The following ATP13A3 variants were observed in gnomAD, a reference collection of about 807,000 sequenced individuals.
The protein encoded by ATP13A3 is ATPase 13A3, also known as polyamine-transporting ATPase 13A3.
In ATP13A3, 59 loss-of-function variants were observed where a neutral mutation model predicts 158.1. That is an observed-to-expected ratio of 0.37 (90% CI 0.30 to 0.46). The LOEUF (loss-of-function observed/expected upper bound fraction) is 0.46. Among genes scored for constraint, ATP13A3 ranks in the 20% least tolerant of loss-of-function variants. The probability of loss-of-function intolerance (pLI) is 1.00; values close to 1 mark genes in which losing one functional copy is unlikely to be tolerated. For missense variants in ATP13A3, 1,166 were observed against 1,525.2 expected (o/e 0.76, Z 3.92); for synonymous variants, 491 against 504.3 (o/e 0.97, Z 0.35).
chr3:194,444,639 T>C, intron 15 of ATP13A3, 86 bp downstream of exon 15: 1 of 1,170,454 alleles, frequency 8.5e-7, no homozygotes, highest in Non-Finnish European at 1.2e-6. Flanking sequence ...TACACAGTTG[T>C]CTATTACTTC....
At chr3:194,437,777 A>C in intron 17 of ATP13A3, among the ~76,000 whole-genome samples, 1 of 152,238 alleles carries the variant, frequency 6.6e-6, no homozygotes, top group South Asian at 2.1e-4. Context: ...ATGTTCTGCT[A>C]TCCTGAAAAT....
At position 194,427,128 on chromosome 3, in the gene ATP13A3, A is replaced by G; in HGVS notation, c.3072T>C (p.Gly1024=). 1 of 1,613,804 alleles carries G rather than the reference A, an allele frequency of 6.2e-7. No homozygotes were observed. The highest frequency in any genetic ancestry group is 8.5e-7 in the Non-Finnish European group (1 of 1,179,970). The change falls in exon 29 of 34, where the codon GGT becomes GGC. Residue 1024 remains glycine (G), a synonymous_variant. Coordinates refer to ENST00000645319, the MANE Select transcript of ATP13A3 (RefSeq NM_001367549.1). ...AAGGTTGCTGTTTGACCCAAAAAAAACCCAAAGATTGAAATCCAATGCAGA... is the reference window on the plus strand; with the variant it reads ...AAGGTTGCTGTTTGACCCAAAAAAAGCCCAAAGATTGAAATCCAATGCAGA... ...IIICIGFQSL[G]FFWVKQQPWY...
At chr3:194,424,997 C>A (rs1716655291) in intron 30 of ATP13A3, among the ~76,000 whole-genome samples, 1 of 152,108 alleles carries the variant, frequency 6.6e-6, no homozygotes, top group South Asian at 2.1e-4. Flanking sequence ...GGCTGAGGAA[C>A]CTCCGTCTCC....
chr3:194,431,862 G>C lies in ATP13A3; in HGVS notation c.2276C>G (p.Ala759Gly). Residue 759 changes from alanine to glycine, a missense_variant, in exon 22 of 34, where the codon GCC (alanine) becomes GGC (glycine). Ala to Gly is a moderately conservative substitution (Grantham distance 60). Around this residue, in one of 3 missense-constraint regions of ATP13A3, gnomAD observed 997 missense variants for 1,341.2 expected, o/e 0.74. Coordinates refer to ENST00000645319, the MANE Select transcript of ATP13A3 (RefSeq NM_001367549.1). ...AGGTAGAATCATTCCACAATCTCTG[G>C]CCACAGAGACAGCAGTCAACATACT... is the stretch of plus-strand genomic sequence containing the variant. ...GDSMLTAVSV[A>G]RDCGMILPQD... is the part of the protein sequence containing the mutation. The C allele has an allele frequency of 6.2e-7, 1 of 1,602,928 alleles. No homozygotes were observed. The highest frequency in any genetic ancestry group is 8.5e-7 in the Non-Finnish European group (1 of 1,176,122).
At position 194,462,484 on chromosome 3, in the gene ATP13A3, G is replaced by A. The variant is rs151046817; in HGVS notation, c.-46-248C>T. Among the ~76,000 whole-genome samples, 853 of 152,222 alleles carry A rather than the reference G, an allele frequency of 5.6e-3. 4 individuals carry two copies. The highest frequency in any genetic ancestry group is 0.02 in the Middle Eastern group (6 of 294). The stretch of plus-strand genomic sequence containing the variant: ...GAGCACAAACCCTACTGTGAACTGC[G>A]CGTGCAAGGGATCTAGGGTGCGTGC... On this transcript the variant is annotated intron_variant, in intron 2 of 33. Transcript: ENST00000645319.
At chr3:194,455,777 A>C (rs1478481503) in intron 8 of ATP13A3, 116 bp downstream of exon 8, 1 of 712,164 alleles carries the variant, frequency 1.4e-6, no homozygotes, top group African/African-American at 1.9e-5. Flanking sequence ...TTCCAAGTAA[A>C]AATATGAAAA....
chr3:194,492,264 C>A (rs1721155129), intron 2 of ATP13A3, among the ~76,000 whole-genome samples: 1 of 152,068 alleles, frequency 6.6e-6, no homozygotes, highest in Admixed American at 6.6e-5. Flanking sequence ...ACAATCTATT[C>A]TTTCCCTTCC....
intron 33 of ATP13A3, 129 bp from the exon 34 acceptor site, chr3:194,406,245 G>T (rs1305300439): frequency 3.1e-6 from 3 of 978,518 alleles, no homozygotes; most frequent in East Asian, 2.7e-5. Context: ...CACAACGAAT[G>T]GGGGAAAAAA....
In ATP13A3 at chr3:194,448,471, A is replaced by G. The variant is rs1718560595; in HGVS notation, c.1136T>C (p.Ile379Thr). ...RFYTGELVKA[I>T]VVRTGFSTSK... ...ATGTTTCCTACCTGTTCTAACAACTATGGCTTTGACGAGTTCTCCAGTGTA... is the reference window on the plus strand; with the variant it reads ...ATGTTTCCTACCTGTTCTAACAACTGTGGCTTTGACGAGTTCTCCAGTGTA... The change falls in exon 12 of 34, where the codon ATA becomes ACA. Residue 379 changes from isoleucine (I) to threonine (T), a missense_variant. Around this residue, in one of 3 missense-constraint regions of ATP13A3, gnomAD observed 997 missense variants for 1,341.2 expected, o/e 0.74. Coordinates refer to ENST00000645319, the MANE Select transcript of ATP13A3 (RefSeq NM_001367549.1). This position sits in a 1 kb window ranked among gnomAD's most constrained non-coding sequence, Gnocchi z 4.0. The G allele has an allele frequency of 6.2e-7, 1 of 1,613,826 alleles. No individual in the cohort carries two copies. The highest frequency in any genetic ancestry group is 1.7e-5 in the Admixed American group (1 of 60,004).
chr3:194,448,520 T>C lies in ATP13A3; in HGVS notation c.1087A>G (p.Thr363Ala). 1 of 1,614,128 alleles carries C rather than the reference T, an allele frequency of 6.2e-7. No homozygotes were observed. Among genetic ancestry groups the C allele is most frequent in the East Asian group, 2.2e-5 (1 of 44,876 alleles). Residue 363 changes from threonine (T) to alanine (A), a missense_variant, in exon 12 of 34, where the codon ACA (threonine) becomes GCA (alanine). By Grantham distance (58) the Thr-to-Ala change is moderately conservative. Coordinates refer to ENST00000645319, the MANE Select transcript of ATP13A3 (RefSeq NM_001367549.1). The surrounding 1 kb of genome is among the most constrained non-coding windows in gnomAD (Gnocchi z 4.0). ...TAGAAACGAGTCTGAATAACAGTTG[T>C]CCCACAAAACAAAGTATGTCGTTTA... ...THKRHTLFCG[T>A]TVIQTRFYTG...
At chr3:194,476,271 CA>C (rs749266448) in intron 2 of ATP13A3, among the ~76,000 whole-genome samples, 9 of 152,142 alleles carry the variant, frequency 5.9e-5, no homozygotes, top group African/African-American at 1.2e-4. Flanking sequence ...ACAATCTCAT[CA>C]GGGGTGGCAC....
chr3:194,454,141 A>C (rs1719026144), intron 9 of ATP13A3, 117 bp downstream of exon 9: 1 of 1,065,762 alleles, frequency 9.4e-7, no homozygotes, highest in South Asian at 1.6e-5. Context: ...ATATTCATGC[A>C]ACTAAAATAA....
chr3:194,487,036 A>AT (rs1422530764), upstream of ATP13A3: 2 of 150,494 alleles, frequency 1.3e-5, no homozygotes, highest in African/African-American at 2.4e-5. Flanking sequence ...TGGTGGCTTC[A>AT]TCCCCGCGCG....
Position 194,441,594 on chromosome 3 carries a change from C to T in ATP13A3, c.1560-133G>A, listed in dbSNP as rs1718056498. 12 of 782,424 alleles carry T rather than the reference C, an allele frequency of 1.5e-5. No homozygotes were observed. In the South Asian group the frequency reaches 2.2e-4, roughly 14 times the overall value. 48.5% of individuals were successfully genotyped at this position (782,424 alleles called of 1,614,324 possible). On this transcript the variant is annotated intron_variant, in intron 15 of 33. Transcript: ENST00000645319. ...AATCTGAGCTCCTAAGAAAGAGAAACTGTCAAGTGTCAGAAATACAGGGAA... is the reference window on the plus strand; with the variant it reads ...AATCTGAGCTCCTAAGAAAGAGAAATTGTCAAGTGTCAGAAATACAGGGAA...
rs1044057232 is a variant in ATP13A3, at chr3:194,457,044, C to A, written c.560+50G>T. ...GGTAAAGGGTTGATTATGTATACTA[C>A]TGCTTTTAGGAATTTTGAGAAGATC... On this transcript the variant is annotated intron_variant, in intron 7 of 33. Coordinates refer to ENST00000645319, the MANE Select transcript of ATP13A3 (RefSeq NM_001367549.1). The A allele has an allele frequency of 2.9e-6, 4 of 1,400,168 alleles. No individual in the cohort carries two copies. The East Asian group carries it at 9.2e-5, about 32-fold the overall frequency. The allele number at this position is 1,400,168 out of a possible 1,614,324, so 86.7% of individuals were successfully genotyped here. A position where few individuals can be genotyped will look rare whatever the true frequency, so the allele number is the denominator to read the frequency against.
At chr3:194,418,836 TG>T (rs993005780) in intron 31 of ATP13A3, among the ~76,000 whole-genome samples, 1 of 152,196 alleles carries the variant, frequency 6.6e-6, no homozygotes, top group Non-Finnish European at 1.5e-5. Flanking sequence ...ATATTACCAC[TG>T]GAAGTGTCTG....
intron 7 of ATP13A3, among the ~76,000 whole-genome samples, chr3:194,456,610 T>A (rs1719248657): frequency 1.3e-5 from 2 of 152,138 alleles, no homozygotes; most frequent in Non-Finnish European, 2.9e-5. Flanking sequence ...CACTGGTGTA[T>A]TTTTATGATT....
Position 194,454,242 on chromosome 3 carries a change from A to G in ATP13A3, c.765+16T>C, listed in dbSNP as rs1404254463. ...TACAAATACAGTTGTGAAACCCATA[A>G]TAAATTTGAACTTACCTTTCTAATG... On this transcript the variant is annotated intron_variant, in intron 9 of 33. Coordinates refer to ENST00000645319, the MANE Select transcript of ATP13A3 (RefSeq NM_001367549.1). 1.3e-6 allele frequency: 2 copies of G among 1,588,042 alleles called. No individual in the cohort carries two copies. The highest frequency in any genetic ancestry group is 1.7e-6 in the Non-Finnish European group (2 of 1,161,548).
In ATP13A3 at chr3:194,484,561, TG is replaced by T. The variant is rs61099652; in HGVS notation, c.-47+1232del. Among the ~76,000 whole-genome samples the T allele has an allele frequency of 3.5e-3, 504 of 145,974 alleles. 5 individuals carry two copies. Among genetic ancestry groups the T allele is most frequent in the African/African-American group, 0.013 (486 of 36,138 alleles). The stretch of plus-strand genomic sequence containing the variant: ...AATAAGCAGTGATGGGGACGCCCTA[TG>T]GAACTTTATCTTTATTCTGTCTTTT... On this transcript the variant is annotated intron_variant, in intron 2 of 33. Transcript: ENST00000645319.
Sources: gnomAD v4.1 joint callset for allele counts (sites outside exome capture counted in the v4.1 genomes callset) on GRCh38, gnomAD v4.1.1 for gene constraint, gnomAD v4.1.1 regional missense constraint, Gnocchi (gnomAD v3.1) non-coding constraint, MANE v1.5 for transcripts, NCBI Gene and HGNC (gene_info 2026-07-23, HGNC 2026-07-21) for gene names.